FRMPD1: variants seen among roughly 807,000 people sequenced by gnomAD.
The protein encoded by FRMPD1 is FERM and PDZ domain containing 1, also known as FERM and PDZ domain-containing protein 1.
Under a neutral mutation model 117.8 loss-of-function variants are expected in FRMPD1, and 76 were observed. The ratio of observed to expected loss-of-function variants is 0.65; its 90% confidence interval spans 0.54 to 0.78. FRMPD1 has a LOEUF of 0.78. Ranked by LOEUF, FRMPD1 falls within the 30% of genes least tolerant of loss-of-function variation. The pLI is 0.00. For missense variants in FRMPD1, 1,786 were observed against 1,964.5 expected (o/e 0.91, Z 1.72); for synonymous variants, 783 against 770.4 (o/e 1.02, Z -0.27).
At chr9:37,645,485 T>G in the FRMPD1 span, among the ~76,000 whole-genome samples, 5 of 152,148 alleles carry the variant, frequency 3.3e-5, no homozygotes, top group South Asian at 1.0e-3. Context: ...ATATCAGACA[T>G]GTTTTCCATC....
At position 37,731,116 on chromosome 9, in the gene FRMPD1, G is replaced by A. The variant is rs1419067755; in HGVS notation, c.858+13G>A. On this transcript the variant is annotated intron_variant, in intron 9 of 15. Transcript: ENST00000377765. Reference sequence around the variant, plus strand: ...CCTCTATCTGCAGGTGACTGGGTCTGTGCTTCCTAAAATAACAGTGGTTGT... The same window carrying A: ...CCTCTATCTGCAGGTGACTGGGTCTATGCTTCCTAAAATAACAGTGGTTGT... The A allele has an allele frequency of 6.2e-7, 1 of 1,612,420 alleles. No individual in the cohort carries two copies. Among genetic ancestry groups the A allele is most frequent in the African/African-American group, 1.3e-5 (1 of 74,868 alleles).
At chr9:37,638,613 G>A in the FRMPD1 span, among the ~76,000 whole-genome samples, 1 of 152,152 alleles carries the variant, frequency 6.6e-6, no homozygotes, top group Non-Finnish European at 1.5e-5. Flanking sequence ...GAAAGTCGAG[G>A]ATGTCTCCTG....
At chr9:37,719,741 G>A (rs1431139689) in intron 6 of FRMPD1, among the ~76,000 whole-genome samples, 1 of 152,166 alleles carries the variant, frequency 6.6e-6, no homozygotes, top group Non-Finnish European at 1.5e-5. Flanking sequence ...CCAGGTCCAT[G>A]TGACTTTGGT....
chr9:37,724,430 T>C, intron 7 of FRMPD1, 110 bp downstream of exon 7: 2 of 590,270 alleles, frequency 3.4e-6, no homozygotes, highest in Non-Finnish European at 6.3e-6. Context: ...AACACCGTGG[T>C]CTGAGCCCCT....
chr9:37,664,766 G>C (rs1821110293), intron 1 of FRMPD1, among the ~76,000 whole-genome samples: 1 of 152,146 alleles, frequency 6.6e-6, no homozygotes, highest in East Asian at 1.9e-4. Flanking sequence ...TAAAAGCAAA[G>C]AAAAGAACTG....
the FRMPD1 span, among the ~76,000 whole-genome samples, chr9:37,603,337 G>C: frequency 6.6e-6 from 1 of 152,156 alleles, no homozygotes; most frequent in African/African-American, 2.4e-5. Context: ...TGGAAGGAAG[G>C]AGGTAAGTGT....
chr9:37,718,020 T>C (rs1259747886), intron 5 of FRMPD1, among the ~76,000 whole-genome samples: 5 of 152,104 alleles, frequency 3.3e-5, no homozygotes, highest in African/African-American at 9.7e-5. Flanking sequence ...TTTCTACTAA[T>C]TTTTTTTGTT....
At chr9:37,640,776 A>G in the FRMPD1 span, among the ~76,000 whole-genome samples, 19 of 152,352 alleles carry the variant, frequency 1.2e-4, no homozygotes, top group South Asian at 6.2e-4. Flanking sequence ...GTTTCAGGTT[A>G]ATCAGCATGT....
chr9:37,606,396 G>A, the FRMPD1 span, among the ~76,000 whole-genome samples: 2 of 152,284 alleles, frequency 1.3e-5, no homozygotes, highest in East Asian at 3.9e-4. Context: ...TGTACTGGTG[G>A]CATTCTTTGT....
chr9:37,689,116 T>C (rs1480643666), intron 1 of FRMPD1, among the ~76,000 whole-genome samples: 2 of 152,122 alleles, frequency 1.3e-5, no homozygotes, highest in Non-Finnish European at 1.5e-5. Context: ...CTTAGAAATA[T>C]GCTTGCATTC....
At chr9:37,672,348 G>A (rs1165272973) in intron 1 of FRMPD1, among the ~76,000 whole-genome samples, 2 of 152,094 alleles carry the variant, frequency 1.3e-5, no homozygotes, top group African/African-American at 4.8e-5. Context: ...GAACCTCCTG[G>A]GAAGTGGAGA....
chr9:37,716,662 C>T (rs1369886492), intron 5 of FRMPD1, among the ~76,000 whole-genome samples: 1 of 152,236 alleles, frequency 6.6e-6, no homozygotes, highest in East Asian at 1.9e-4. Flanking sequence ...ATTTTTTATT[C>T]CTTTGAGTCT....
intron 1 of FRMPD1, among the ~76,000 whole-genome samples, chr9:37,680,402 C>T (rs781597408): frequency 3.9e-5 from 6 of 152,188 alleles, no homozygotes; most frequent in Non-Finnish European, 7.3e-5. Flanking sequence ...AAGAAAAAAA[C>T]ATATCCAGCA....
chr9:37,672,815 A>G (rs1026684681), intron 1 of FRMPD1, among the ~76,000 whole-genome samples: 2 of 152,210 alleles, frequency 1.3e-5, no homozygotes, highest in Non-Finnish European at 2.9e-5. Flanking sequence ...GAAGCCCCCA[A>G]TAAACCCATC....
intron 5 of FRMPD1, among the ~76,000 whole-genome samples, chr9:37,713,035 G>T (rs1176567014): frequency 6.6e-6 from 1 of 151,668 alleles, no homozygotes; most frequent in Admixed American, 6.6e-5. Flanking sequence ...TCCTTGATGG[G>T]GAGACTAAGT....
intron 13 of FRMPD1, 23 bp from the exon 14 acceptor site, chr9:37,737,073 G>A: frequency 6.2e-7 from 1 of 1,600,022 alleles, no homozygotes; most frequent in South Asian, 1.1e-5. Flanking sequence ...TGATAAACAT[G>A]AGATTTCTAT....
chr9:37,637,315 A>T, the FRMPD1 span: 5 of 1,128,280 alleles, frequency 4.4e-6, no homozygotes, highest in Non-Finnish European at 6.8e-6. Flanking sequence ...AAGCCCGCTC[A>T]GTCGCTCCCA....
At chr9:37,667,846 C>T (rs1821214917) in intron 1 of FRMPD1, among the ~76,000 whole-genome samples, 1 of 152,150 alleles carries the variant, frequency 6.6e-6, no homozygotes. Context: ...ATCTCCTGCT[C>T]TACCTGTGGC....
At chr9:37,642,726 G>A in the FRMPD1 span, among the ~76,000 whole-genome samples, 1 of 152,052 alleles carries the variant, frequency 6.6e-6, no homozygotes. Flanking sequence ...ATTTCACCAG[G>A]ATATATTTTT....
Sources: allele counts gnomAD v4.1 joint callset (sites outside exome capture counted in the v4.1 genomes callset), GRCh38; gene constraint gnomAD v4.1.1; transcripts MANE v1.5; gene names NCBI Gene and HGNC (gene_info 2026-07-23, HGNC 2026-07-21).